Variants in CD2AP observed in about 807,000 individuals in gnomAD.
CD2AP encodes CD2 associated protein, also known as CD2-associated protein.
In CD2AP, 46 loss-of-function variants were observed where a neutral mutation model predicts 85.1. The observed-to-expected ratio is 0.54, with a 90% CI of 0.43 to 0.69. The LOEUF (loss-of-function observed/expected upper bound fraction) is 0.69, where lower values mean the gene tolerates loss of function less well. Among genes scored for constraint, CD2AP ranks in the 30% least tolerant of loss-of-function variants. CD2AP has a pLI of 0.00. For missense variants in CD2AP, 769 were observed against 729.5 expected (o/e 1.05, Z -0.62); for synonymous variants, 255 against 252.9 (o/e 1.01, Z -0.08).
chr6:47,548,726 C>T (rs1767435309), intron 4 of CD2AP, among the ~76,000 whole-genome samples: 1 of 152,002 alleles, frequency 6.6e-6, no homozygotes, highest in African/African-American at 2.4e-5. Flanking sequence ...ATCCTAATAC[C>T]AAGACCAGGA....
Position 47,624,559 on chromosome 6 carries a change from C to T in CD2AP, c.*332C>T. 3.9e-6 allele frequency: 1 copy of T among 255,442 alleles called. No homozygotes were observed. The highest frequency in any genetic ancestry group is 5.7e-5 in the South Asian group (1 of 17,524). 15.8% of individuals were successfully genotyped at this position (255,442 alleles called of 1,614,324 possible). ...TGTATTATTTTTAAAGAGATCTATACTATAAATATGGTGATATATTTACAA... is the reference window on the plus strand; with the variant it reads ...TGTATTATTTTTAAAGAGATCTATATTATAAATATGGTGATATATTTACAA... On this transcript the variant is annotated 3_prime_UTR_variant, in exon 18 of 18. Transcript: ENST00000359314.
intron 5 of CD2AP, among the ~76,000 whole-genome samples, chr6:47,561,807 G>C (rs1181345182): frequency 1.3e-5 from 2 of 152,142 alleles, no homozygotes; most frequent in Admixed American, 1.3e-4. Flanking sequence ...TTGAGACGGA[G>C]TCTCGCTCTG....
At chr6:47,554,058 G>A (rs1225463769) in intron 4 of CD2AP, among the ~76,000 whole-genome samples, 2 of 151,894 alleles carry the variant, frequency 1.3e-5, no homozygotes, top group South Asian at 2.1e-4. Flanking sequence ...GACTACAGGC[G>A]CGAACCACCA....
At chr6:47,522,553 T>C (rs916059507) in intron 2 of CD2AP, among the ~76,000 whole-genome samples, 2 of 152,202 alleles carry the variant, frequency 1.3e-5, no homozygotes, top group Admixed American at 6.5e-5. Context: ...TTTGATCCCT[T>C]GTGAAGAGTT....
chr6:47,540,190 A>AG (rs1767172819), intron 3 of CD2AP, among the ~76,000 whole-genome samples: 1 of 151,446 alleles, frequency 6.6e-6, no homozygotes, highest in Non-Finnish European at 1.5e-5. Context: ...AAAAAAAAAA[A>AG]AAAGAAAAAA....
chr6:47,502,323 T>A (rs924985282), intron 1 of CD2AP, among the ~76,000 whole-genome samples: 5 of 151,810 alleles, frequency 3.3e-5, no homozygotes, highest in African/African-American at 4.8e-5. Context: ...TTTTTTTTTT[T>A]ATTTGAGTCT....
chr6:47,609,079 TATA>T, intron 15 of CD2AP, 41 bp from the exon 16 acceptor site: 2 of 1,400,878 alleles, frequency 1.4e-6, no homozygotes, highest in Non-Finnish European at 2.0e-6. Flanking sequence ...CGAACGTAAA[TATA>T]ATATTAAATA....
At chr6:47,532,189 G>T (rs770842137) in intron 2 of CD2AP, among the ~76,000 whole-genome samples, 2 of 151,620 alleles carry the variant, frequency 1.3e-5, no homozygotes, top group African/African-American at 2.4e-5. Context: ...GTTAAGAAAA[G>T]TATACTTGGT....
chr6:47,570,317 G>A (rs969794862), intron 5 of CD2AP, among the ~76,000 whole-genome samples: 3 of 152,062 alleles, frequency 2.0e-5, no homozygotes, highest in African/African-American at 7.2e-5. Flanking sequence ...GTTTAGGCTC[G>A]ATAGACAGAT....
intron 17 of CD2AP, among the ~76,000 whole-genome samples, chr6:47,614,873 C>A (rs1292713137): frequency 1.3e-5 from 2 of 152,148 alleles, no homozygotes; most frequent in Non-Finnish European, 2.9e-5. Flanking sequence ...AGATTCACTG[C>A]CTCCCATTTA....
intron 13 of CD2AP, 87 bp downstream of exon 13, chr6:47,599,530 G>A: frequency 2.5e-6 from 3 of 1,190,178 alleles, no homozygotes; most frequent in Non-Finnish European, 3.6e-6. Flanking sequence ...CAATTTGTGT[G>A]TGGATAAAGT....
At chr6:47,611,555 A>G (rs1252401850) in intron 16 of CD2AP, among the ~76,000 whole-genome samples, 1 of 151,952 alleles carries the variant, frequency 6.6e-6, no homozygotes, top group East Asian at 1.9e-4. Context: ...TTGAAACATT[A>G]TATAAATAAT....
intron 16 of CD2AP, among the ~76,000 whole-genome samples, chr6:47,610,144 A>AGCTCCCCCTCTG (rs1189483691): frequency 1.3e-5 from 2 of 152,090 alleles, no homozygotes; most frequent in Non-Finnish European, 2.9e-5. Flanking sequence ...ATTATAGGTG[A>AGCTCCCCCTCTG]GCTCCCCCTC....
intron 17 of CD2AP, among the ~76,000 whole-genome samples, chr6:47,612,953 T>C (rs1330806400): frequency 2.0e-5 from 3 of 152,212 alleles, no homozygotes; most frequent in Non-Finnish European, 4.4e-5. Flanking sequence ...ACTAAGTTTA[T>C]ATTTTGTAAA....
chr6:47,508,446 G>GA (rs1766232254), intron 2 of CD2AP, among the ~76,000 whole-genome samples: 1 of 151,760 alleles, frequency 6.6e-6, no homozygotes, highest in African/African-American at 2.4e-5. Flanking sequence ...GAGTTGAAGA[G>GA]AATTAGGGCC....
chr6:47,516,992 T>C (rs1001721977), intron 2 of CD2AP, among the ~76,000 whole-genome samples: 5 of 152,142 alleles, frequency 3.3e-5, no homozygotes, highest in Admixed American at 3.3e-4. Flanking sequence ...ATTCCTAATA[T>C]GGGAGGTGGG....
intron 2 of CD2AP, among the ~76,000 whole-genome samples, chr6:47,522,251 G>A (rs750208907): frequency 3.8e-4 from 58 of 152,200 alleles, no homozygotes; most frequent in South Asian, 2.1e-4. Flanking sequence ...AAATATCAGC[G>A]GAATGATATC....
At chr6:47,547,496 A>G (rs1192390789) in intron 4 of CD2AP, among the ~76,000 whole-genome samples, 1 of 152,034 alleles carries the variant, frequency 6.6e-6, no homozygotes, top group Non-Finnish European at 1.5e-5. Context: ...CTATATATAT[A>G]TATGCACCTA....
chr6:47,559,765 A>T (rs1477783543), intron 5 of CD2AP, among the ~76,000 whole-genome samples: 1 of 152,096 alleles, frequency 6.6e-6, no homozygotes, highest in African/African-American at 2.4e-5. Context: ...TACATGAATG[A>T]TTCATGCAGC....
Sources: allele counts gnomAD v4.1 joint callset (sites outside exome capture counted in the v4.1 genomes callset), GRCh38; gene constraint gnomAD v4.1.1; transcripts MANE v1.5; gene names NCBI Gene and HGNC (gene_info 2026-07-23, HGNC 2026-07-21).